Variants in PALM observed in about 807,000 individuals in gnomAD.
The protein encoded by PALM is paralemmin-1.
Under a neutral mutation model 30.7 loss-of-function variants are expected in PALM, and 18 were observed. That is an observed-to-expected ratio of 0.59 (90% CI 0.41 to 0.87). PALM has a LOEUF of 0.87. Among genes scored for constraint, PALM ranks in the 40% least tolerant of loss-of-function variants. The pLI, the probability that PALM is intolerant of heterozygous loss-of-function variation, is 0.00. For missense variants in PALM, 529 were observed against 555.4 expected, an observed-to-expected ratio of 0.95 and a Z score of 0.48; for synonymous variants, 286 against 242.8, an observed-to-expected ratio of 1.18 and a Z score of -1.66.
At chr19:730,559 G>A (rs539518799) in intron 4 of PALM, among the ~76,000 whole-genome samples, 292 of 152,318 alleles carry the variant, frequency 1.9e-3, no homozygotes, top group Admixed American at 3.1e-3. Context: ...AACAGCGCAG[G>A]CCAGGGGTCA....
intron 8 of PALM, among the ~76,000 whole-genome samples, chr19:741,812 C>G (rs1008388155): frequency 5.9e-5 from 9 of 152,070 alleles, no homozygotes; most frequent in Admixed American, 3.9e-4. Context: ...GGAAGCTCCA[C>G]ACTGAAGCCC....
chr19:727,243 C>CGACCCT (rs1487841719), intron 3 of PALM, among the ~76,000 whole-genome samples, 155 bp downstream of exon 3: 1 of 93,524 alleles, frequency 1.1e-5, no homozygotes, highest in Admixed American at 1.2e-4. Flanking sequence ...ACCCCGACCC[C>CGACCCT]GACCCCGACC....
intron 8 of PALM, among the ~76,000 whole-genome samples, chr19:745,482 T>C (rs777423623): frequency 4.0e-5 from 6 of 151,780 alleles, no homozygotes; most frequent in Admixed American, 6.6e-5. Context: ...TGACTTGAGG[T>C]CAGGAGTTTG....
intron 6 of PALM, 75 bp from the exon 7 acceptor site, chr19:735,944 G>A (rs887502578): frequency 1.5e-5 from 19 of 1,279,106 alleles, no homozygotes; most frequent in South Asian, 2.6e-5. Flanking sequence ...GTGAAGGGGC[G>A]TTGGGCTGTC....
chr19:734,156 T>C lies in PALM; in HGVS notation c.421-17T>C. On this transcript the variant is annotated splice_polypyrimidine_tract_variant and intron_variant, in intron 5 of 8. Coordinates refer to ENST00000338448, the MANE Select transcript of PALM (RefSeq NM_002579.3). ...GGGATGCTGACGCCCCTGACCCTTC[T>C]CTCTTCTTTCTTGCAGACGCCGGTG... 1.9e-6 allele frequency: 3 copies of C among 1,613,654 alleles called. No individual in the cohort carries two copies. Among genetic ancestry groups the C allele is most frequent in the Non-Finnish European group, 2.5e-6 (3 of 1,179,830 alleles).
intron 3 of PALM, 96 bp from the exon 4 acceptor site, chr19:727,468 C>A: frequency 9.7e-7 from 1 of 1,030,748 alleles, no homozygotes; most frequent in Non-Finnish European, 1.5e-6. Context: ...GGTCCTGCCT[C>A]AACCCCGACC....
intron 7 of PALM, among the ~76,000 whole-genome samples, chr19:737,858 G>T (rs1171475072): frequency 6.6e-6 from 1 of 152,158 alleles, no homozygotes; most frequent in South Asian, 2.1e-4. Context: ...GGGGACGTGG[G>T]CTTTTCCCGG....
In PALM at chr19:727,581, G is replaced by A. The variant is rs1280038317; in HGVS notation, c.156G>A (p.Glu52=). 3 of 1,589,270 alleles carry A rather than the reference G, an allele frequency of 1.9e-6. No individual in the cohort carries two copies. Among genetic ancestry groups the A allele is most frequent in the African/African-American group, 2.7e-5 (2 of 74,614 alleles). Residue 52 remains glutamate, a synonymous_variant, in exon 4 of 9, where the codon GAG becomes GAA. Coordinates refer to ENST00000338448, the MANE Select transcript of PALM (RefSeq NM_002579.3). ...CTGCTCAGTCCAAGGCACTGCGGGAGCGCTGGCTGCTGGAGGGGACGCCGT... is the reference window on the plus strand; with the variant it reads ...CTGCTCAGTCCAAGGCACTGCGGGAACGCTGGCTGCTGGAGGGGACGCCGT... The part of the protein sequence containing the change: ...LQHLKSKALR[E]RWLLEGTPSS...
At chr19:731,309 C>A in intron 5 of PALM, 64 bp downstream of exon 5, 1 of 1,412,092 alleles carries the variant, frequency 7.1e-7, no homozygotes, top group Admixed American at 2.4e-5. Flanking sequence ...CAGAGCGAGG[C>A]CCCAGCCCTT....
intron 1 of PALM, among the ~76,000 whole-genome samples, chr19:717,617 G>A (rs1167644931): frequency 6.6e-6 from 1 of 152,148 alleles, no homozygotes; most frequent in South Asian, 2.1e-4. Context: ...TGGAGCTTGT[G>A]CTCTGTTCAC....
chr19:719,649 G>T, intron 1 of PALM: 1 of 985,164 alleles, frequency 1.0e-6, no homozygotes, highest in Non-Finnish European at 1.2e-6. Flanking sequence ...CAGCTCCTCC[G>T]CCCAGCATGT....
chr19:719,891 T>C (rs750198745), intron 1 of PALM, among the ~76,000 whole-genome samples: 7 of 152,074 alleles, frequency 4.6e-5, no homozygotes, highest in Non-Finnish European at 1.0e-4. Context: ...CGTTCTCGGT[T>C]TGTGGCCGTT....
At position 746,739 on chromosome 19, in the gene PALM, G is replaced by A. The variant is rs928273101; in HGVS notation, c.1089G>A (p.Gly363=). The A allele has an allele frequency of 1.2e-6, 2 of 1,601,366 alleles. No individual in the cohort carries two copies. The highest frequency in any genetic ancestry group is 3.4e-5 in the Admixed American group (2 of 58,816). Residue 363 remains glycine (G), a synonymous_variant, in exon 9 of 9, where the codon GGG becomes GGA. Coordinates refer to ENST00000338448, the MANE Select transcript of PALM (RefSeq NM_002579.3). The surrounding 1 kb of genome is among the most constrained non-coding windows in gnomAD (Gnocchi z 7.1). ...CCTCCAGGGAAGAGAATCAGGCGGG[G>A]CCCGAGGCCACCACCAGCGACCCCC... The part of the protein sequence containing the change: ...EAASREENQA[G]PEATTSDPQD...
rs979734763 is a variant in PALM, at chr19:748,243, A to G, written c.*1429A>G. 1.3e-5 allele frequency: 2 copies of G among 152,724 alleles called. No homozygotes were observed. Among genetic ancestry groups the G allele is most frequent in the African/African-American group, 2.4e-5 (1 of 41,452 alleles). 9.5% of individuals were successfully genotyped at this position (152,724 alleles called of 1,614,324 possible). A position where few individuals can be genotyped will look rare whatever the true frequency, so the allele number is the denominator to read the frequency against. ...GAGCCTTCGCTGAAGTGCCCTTGCT[A>G]TAACCCCCTCTGCTTCTGGTGTGTG... On this transcript the variant is annotated 3_prime_UTR_variant, in exon 9 of 9. Transcript: ENST00000338448.
At chr19:710,685 C>T (rs1001465080) in intron 1 of PALM, among the ~76,000 whole-genome samples, 2 of 57,006 alleles carry the variant, frequency 3.5e-5, no homozygotes, top group African/African-American at 1.0e-4. Flanking sequence ...CACACAGCAC[C>T]TGGGGCCGGG....
Position 727,617 on chromosome 19 carries a change from A to G in PALM, c.192A>G (p.Ser64=), listed in dbSNP as rs773059232. Residue 64 remains serine (S), a synonymous_variant, in exon 4 of 9, where the codon TCA becomes TCG. Transcript: ENST00000338448. The part of the protein sequence containing the change: ...WLLEGTPSSA[S]EGDEDLRRQM... ...TGGAGGGGACGCCGTCCTCGGCCTC[A>G]GAGGGGGATGAGGACCTGAGGAGGC... is the stretch of plus-strand genomic sequence containing the variant. 47 of 1,578,916 alleles carry G rather than the reference A, an allele frequency of 3.0e-5. No homozygotes were observed. Among genetic ancestry groups the G allele is most frequent in the Non-Finnish European group, 4.0e-5 (46 of 1,162,870 alleles).
In PALM at chr19:727,692, C is replaced by T; in HGVS notation, c.267C>T (p.Ser89=). ...CACGGCTGCTGGAGGACTCGGTGTCCAGGTGGGGGCTGCAGCGTGGGTGCC... is the reference window on the plus strand; with the variant it reads ...CACGGCTGCTGGAGGACTCGGTGTCTAGGTGGGGGCTGCAGCGTGGGTGCC... ...QKTRLLEDSV[S]RLEKEIEVLE... Residue 89 remains serine, a splice_region_variant and synonymous_variant, in exon 4 of 9, where the codon TCC becomes TCT. Coordinates refer to ENST00000338448, the MANE Select transcript of PALM (RefSeq NM_002579.3). The T allele has an allele frequency of 6.4e-7, 1 of 1,553,664 alleles. No individual in the cohort carries two copies. Among genetic ancestry groups the T allele is most frequent in the Non-Finnish European group, 8.7e-7 (1 of 1,148,294 alleles).
chr19:732,577 C>T (rs1021252551), intron 5 of PALM, among the ~76,000 whole-genome samples: 5 of 152,158 alleles, frequency 3.3e-5, no homozygotes, highest in Admixed American at 6.5e-5. Flanking sequence ...CACCTGTAAT[C>T]TCAGCTGCTC....
At chr19:719,998 G>A (rs1010000935) in intron 1 of PALM, among the ~76,000 whole-genome samples, 4 of 152,138 alleles carry the variant, frequency 2.6e-5, no homozygotes, top group Non-Finnish European at 5.9e-5. Context: ...CGTCGGGGGC[G>A]GGTCCACACC....
Sources: allele counts gnomAD v4.1 joint callset (sites outside exome capture counted in the v4.1 genomes callset), GRCh38; gene constraint gnomAD v4.1.1; non-coding constraint Gnocchi (gnomAD v3.1); transcripts MANE v1.5; gene names NCBI Gene and HGNC (gene_info 2026-07-23, HGNC 2026-07-21).